ZSWIM6: variants seen among roughly 807,000 people sequenced by gnomAD.
The protein encoded by ZSWIM6 is zinc finger SWIM-type containing 6, also known as zinc finger SWIM domain-containing protein 6.
Under a neutral mutation model 113.2 loss-of-function variants are expected in ZSWIM6, and 9 were observed. The observed-to-expected ratio is 0.08, with a 90% CI of 0.05 to 0.14. The LOEUF (loss-of-function observed/expected upper bound fraction) is 0.14, where lower values mean the gene tolerates loss of function less well. ZSWIM6 is among the 10% of genes least tolerant of loss of function. The pLI is 1.00. For missense variants in ZSWIM6, 1,162 were observed against 1,552.2 expected, an observed-to-expected ratio of 0.75 and a Z score of 4.22; for synonymous variants, 611 against 606.5, an observed-to-expected ratio of 1.01 and a Z score of -0.11.
At chr5:61,368,392 A>G (rs1221033084) in intron 1 of ZSWIM6, among the ~76,000 whole-genome samples, 1 of 152,178 alleles carries the variant, frequency 6.6e-6, no homozygotes, top group Non-Finnish European at 1.5e-5. Context: ...ATAAGTTAGG[A>G]CTTATTTTAG....
At position 61,543,637 on chromosome 5, in the gene ZSWIM6, A is replaced by G; in HGVS notation, c.2968A>G (p.Lys990Glu). 1 of 1,551,762 alleles carries G rather than the reference A, an allele frequency of 6.4e-7. No individual in the cohort carries two copies. The highest frequency in any genetic ancestry group is 8.7e-7 in the Non-Finnish European group (1 of 1,147,020). ...ARTLALQCAM[K>E]DPQNCALSAL... ...GACACTTGCACTGCAGTGTGCCATG[A>G]AGGATCCACAGAACTGTGCCCTCTC... is the stretch of plus-strand genomic sequence containing the variant. Residue 990 changes from lysine to glutamate, a missense_variant, in exon 14 of 14, where the codon AAG (lysine) becomes GAG (glutamate). By Grantham distance (56) the Lys-to-Glu change is moderately conservative. This residue lies in a region of ZSWIM6 where 620 missense variants were observed against 804.6 expected (regional missense o/e 0.77). Transcript: ENST00000252744. The surrounding 1 kb of genome is among the most constrained non-coding windows in gnomAD (Gnocchi z 4.3).
intron 1 of ZSWIM6, among the ~76,000 whole-genome samples, chr5:61,455,760 T>C (rs1327258621): frequency 6.6e-6 from 1 of 152,122 alleles, no homozygotes; most frequent in African/African-American, 2.4e-5. Context: ...CTTTGTGTCA[T>C]TAAGCAAGTG....
chr5:61,387,884 C>T (rs970723035), intron 1 of ZSWIM6, among the ~76,000 whole-genome samples: 1 of 151,298 alleles, frequency 6.6e-6, no homozygotes, highest in Non-Finnish European at 1.5e-5. Flanking sequence ...GCACTCCAGC[C>T]TGGGTGACAG....
At chr5:61,335,655 A>C (rs931917997) in intron 1 of ZSWIM6, among the ~76,000 whole-genome samples, 1 of 152,266 alleles carries the variant, frequency 6.6e-6, no homozygotes, top group Non-Finnish European at 1.5e-5. Context: ...TGGTATTGCA[A>C]AATTACAAGT....
intron 1 of ZSWIM6, among the ~76,000 whole-genome samples, chr5:61,403,441 G>A (rs1561224174): frequency 6.6e-6 from 1 of 152,060 alleles, no homozygotes; most frequent in Non-Finnish European, 1.5e-5. Context: ...TATAGAGCAG[G>A]GGACCATTGT....
At chr5:61,536,685 C>T (rs1208742179) in intron 10 of ZSWIM6, among the ~76,000 whole-genome samples, 1 of 152,146 alleles carries the variant, frequency 6.6e-6, no homozygotes, top group Admixed American at 6.5e-5. Context: ...TATAAGGACA[C>T]CTCTTTTTTA....
intron 1 of ZSWIM6, among the ~76,000 whole-genome samples, chr5:61,367,249 T>C (rs952349785): frequency 1.3e-5 from 2 of 152,086 alleles, no homozygotes; most frequent in African/African-American, 4.8e-5. Flanking sequence ...CTTAAGTGCC[T>C]TTTTTCTTTT....
At chr5:61,428,862 T>C (rs774849100) in intron 1 of ZSWIM6, among the ~76,000 whole-genome samples, 1 of 152,212 alleles carries the variant, frequency 6.6e-6, no homozygotes, top group Non-Finnish European at 1.5e-5. Flanking sequence ...ACATGTTTGA[T>C]TTCTGGGTAG....
chr5:61,527,424 G>A (rs564565175), intron 7 of ZSWIM6, among the ~76,000 whole-genome samples: 2 of 152,144 alleles, frequency 1.3e-5, no homozygotes, highest in Admixed American at 6.5e-5. Context: ...ATTATTAAAA[G>A]GCTAGAGGTT....
chr5:61,508,401 A>T (rs1197171761), intron 4 of ZSWIM6, among the ~76,000 whole-genome samples: 1 of 152,194 alleles, frequency 6.6e-6, no homozygotes, highest in African/African-American at 2.4e-5. Context: ...ATATTGAGAT[A>T]CCTTTTATAC....
chr5:61,518,136 G>A (rs1323751621), intron 4 of ZSWIM6, among the ~76,000 whole-genome samples: 2 of 151,950 alleles, frequency 1.3e-5, no homozygotes, highest in Non-Finnish European at 2.9e-5. Flanking sequence ...TTTTATGGCT[G>A]CATAGTATTC....
At chr5:61,522,475 G>A (rs755477859) in intron 5 of ZSWIM6, among the ~76,000 whole-genome samples, 2 of 152,150 alleles carry the variant, frequency 1.3e-5, no homozygotes, top group African/African-American at 4.8e-5. Context: ...AATGTGCTGA[G>A]TTTGAATGTG....
chr5:61,336,805 A>G (rs1050013040), intron 1 of ZSWIM6, among the ~76,000 whole-genome samples: 2 of 152,232 alleles, frequency 1.3e-5, no homozygotes, highest in African/African-American at 2.4e-5. Context: ...AAACACTACA[A>G]ATCAAATTTA....
chr5:61,395,210 G>C (rs1181464026), intron 1 of ZSWIM6, among the ~76,000 whole-genome samples: 1 of 152,100 alleles, frequency 6.6e-6, no homozygotes, highest in Non-Finnish European at 1.5e-5. Context: ...CACAATTTCA[G>C]TCAGATTGTG....
rs1298424230 is a variant in ZSWIM6, at chr5:61,472,350, C to G, written c.677-331C>G. 1.3e-5 allele frequency among the ~76,000 whole-genome samples: 2 copies of G among 152,094 alleles called. No individual in the cohort carries two copies. The highest frequency in any genetic ancestry group is 4.1e-4 in the South Asian group (2 of 4,830). On this transcript the variant is annotated intron_variant, in intron 1 of 13. Transcript: ENST00000252744. This position sits in a 1 kb window ranked among gnomAD's most constrained non-coding sequence, Gnocchi z 4.1. ...ATCTAGGGGATTATTGTGTTGTATA[C>G]CACTGATTCAGAGCAGAGTAATGAT...
chr5:61,505,671 C>T (rs867089076), intron 4 of ZSWIM6, among the ~76,000 whole-genome samples: 2 of 90,522 alleles, frequency 2.2e-5, no homozygotes. Flanking sequence ...TCCTTCCTTC[C>T]TTCTTTCCTT....
At chr5:61,534,875 A>G (rs1377727379) in intron 9 of ZSWIM6, among the ~76,000 whole-genome samples, 2 of 152,200 alleles carry the variant, frequency 1.3e-5, no homozygotes, top group Non-Finnish European at 2.9e-5. Context: ...TCTTTTGCCT[A>G]TGATGCGTAT....
At chr5:61,465,022 G>A (rs1371000952) in intron 1 of ZSWIM6, among the ~76,000 whole-genome samples, 1 of 152,164 alleles carries the variant, frequency 6.6e-6, no homozygotes, top group African/African-American at 2.4e-5. Flanking sequence ...GGCAATGTGG[G>A]GTGTGCAGGT....
chr5:61,348,541 C>T (rs1216291815), intron 1 of ZSWIM6, among the ~76,000 whole-genome samples: 1 of 152,084 alleles, frequency 6.6e-6, no homozygotes, highest in South Asian at 2.1e-4. Context: ...CAGTATATGA[C>T]AGTCTATTTT....
Sources: allele counts gnomAD v4.1 joint callset (sites outside exome capture counted in the v4.1 genomes callset), GRCh38; gene constraint gnomAD v4.1.1; regional missense constraint gnomAD v4.1.1; non-coding constraint Gnocchi (gnomAD v3.1); transcripts MANE v1.5; gene names NCBI Gene and HGNC (gene_info 2026-07-23, HGNC 2026-07-21).